MACO1: variants seen among roughly 807,000 people sequenced by gnomAD.
The protein encoded by MACO1 is macoilin.
MACO1 carries 14 observed loss-of-function variants against 78.7 expected under a neutral mutation model. The ratio of observed to expected loss-of-function variants is 0.18; its 90% CI spans 0.12 to 0.28. The LOEUF (loss-of-function observed/expected upper bound fraction) is 0.28, where lower values mean the gene tolerates loss of function less well. Among genes scored for constraint, MACO1 ranks in the 10% least tolerant of loss-of-function variants. The pLI, the probability that MACO1 is intolerant of heterozygous loss-of-function variation, is 1.00. For missense variants in MACO1, 501 were observed against 799.0 expected, an observed-to-expected ratio of 0.63 and a Z score of 4.50; for synonymous variants, 288 against 291.6, an observed-to-expected ratio of 0.99 and a Z score of 0.12.
chr1:25,477,889 T>C (rs1473459978), intron 6 of MACO1, among the ~76,000 whole-genome samples: 2 of 152,226 alleles, frequency 1.3e-5, no homozygotes, highest in Non-Finnish European at 2.9e-5. Context: ...TTAGACATAG[T>C]ATCTCCCTAC....
At chr1:25,439,995 G>T (rs1009250858) in intron 1 of MACO1, among the ~76,000 whole-genome samples, 2 of 140,086 alleles carry the variant, frequency 1.4e-5, no homozygotes, top group African/African-American at 5.2e-5. Context: ...TCTAGCCTGG[G>T]CAACAAGCGA....
chr1:25,443,528 T>C (rs2042989338), intron 1 of MACO1, among the ~76,000 whole-genome samples: 1 of 152,192 alleles, frequency 6.6e-6, no homozygotes, highest in Non-Finnish European at 1.5e-5. Context: ...ATCAAAGGTA[T>C]GAAAGCAGTT....
At position 25,448,698 on chromosome 1, in the gene MACO1, T is replaced by A. The variant is rs1232707324; in HGVS notation, c.223-110T>A. The stretch of plus-strand genomic sequence containing the variant: ...GTGAATTTGCTTTACAGTTACCAAG[T>A]TATCTCTTAGCAGTTTCAATAATTT... On this transcript the variant is annotated intron_variant, in intron 2 of 10. Transcript: ENST00000374343. The A allele has an allele frequency of 7.7e-6, 8 of 1,037,788 alleles. No individual in the cohort carries two copies. The Admixed American group carries it at 9.3e-5, about 12-fold the overall frequency. The allele number at this position is 1,037,788 out of a possible 1,614,324, so 64.3% of individuals were successfully genotyped here.
At chr1:25,493,129 CT>C (rs2043501583) in intron 10 of MACO1, among the ~76,000 whole-genome samples, 1 of 152,170 alleles carries the variant, frequency 6.6e-6, no homozygotes, top group Non-Finnish European at 1.5e-5. Context: ...GGTGTGTGAA[CT>C]TTTGTCTTAG....
chr1:25,498,541 TA>T lies in MACO1; in HGVS notation c.*82del, dbSNP rs1009835257. On this transcript the variant is annotated 3_prime_UTR_variant, in exon 11 of 11. Transcript: ENST00000374343. ...AAAGGAGCGTCTCTGGCAGTCAAGA[TA>T]AAAAAACAGTTTCTATTGTATTTTG... 3 of 1,351,636 alleles carry T rather than the reference TA, an allele frequency of 2.2e-6. No individual in the cohort carries two copies. The highest frequency in any genetic ancestry group is 1.5e-5 in the African/African-American group (1 of 68,218). The allele number at this position is 1,351,636 out of a possible 1,614,324, so 83.7% of individuals were successfully genotyped here.
intron 6 of MACO1, among the ~76,000 whole-genome samples, chr1:25,462,806 A>G (rs755778614): frequency 7.2e-5 from 11 of 152,200 alleles, no homozygotes; most frequent in African/African-American, 2.2e-4. Flanking sequence ...GCAGTCTGGC[A>G]GGTCTTTCTC....
At chr1:25,452,688 A>G (rs1388502914) in intron 3 of MACO1, among the ~76,000 whole-genome samples, 4 of 150,546 alleles carry the variant, frequency 2.7e-5, no homozygotes, top group Admixed American at 2.6e-4. Flanking sequence ...AAATAATATT[A>G]CGGTGAATTG....
chr1:25,449,097 T>G (rs2043041593), intron 3 of MACO1, among the ~76,000 whole-genome samples, 163 bp downstream of exon 3: 1 of 152,192 alleles, frequency 6.6e-6, no homozygotes, highest in African/African-American at 2.4e-5. Context: ...TATATCTTTT[T>G]TCGTTATTTG....
intron 6 of MACO1, among the ~76,000 whole-genome samples, chr1:25,483,191 C>T (rs1365720097): frequency 3.3e-5 from 5 of 152,198 alleles, no homozygotes; most frequent in African/African-American, 1.2e-4. Flanking sequence ...GCTGGGATTA[C>T]AGGCACGCGC....
intron 1 of MACO1, among the ~76,000 whole-genome samples, chr1:25,437,677 T>G (rs1341977512): frequency 6.6e-6 from 1 of 152,146 alleles, no homozygotes; most frequent in Non-Finnish European, 1.5e-5. Flanking sequence ...CCCAGCACTT[T>G]GGGAGGCTAA....
intron 1 of MACO1, among the ~76,000 whole-genome samples, chr1:25,438,921 A>G (rs1455678914): frequency 6.6e-6 from 1 of 151,938 alleles, no homozygotes; most frequent in Non-Finnish European, 1.5e-5. Flanking sequence ...AAAATAAAAA[A>G]CTAAAAAAAA....
chr1:25,438,484 C>T (rs1208096444), intron 1 of MACO1, among the ~76,000 whole-genome samples: 2 of 152,140 alleles, frequency 1.3e-5, no homozygotes, highest in Non-Finnish European at 2.9e-5. Flanking sequence ...GAATAGAGAA[C>T]TAAAAAGCTG....
intron 5 of MACO1, among the ~76,000 whole-genome samples, chr1:25,458,064 T>C (rs1030531017): frequency 6.6e-6 from 1 of 152,222 alleles, no homozygotes; most frequent in African/African-American, 2.4e-5. Context: ...ATAGGCGAGT[T>C]TGATTTGACT....
At chr1:25,444,909 C>T (rs1375480271) in intron 1 of MACO1, among the ~76,000 whole-genome samples, 1 of 152,066 alleles carries the variant, frequency 6.6e-6, no homozygotes, top group African/African-American at 2.4e-5. Context: ...CATTGCTCTC[C>T]ACTAGGTCAG....
At chr1:25,494,678 C>A (rs1221425865) in intron 10 of MACO1, among the ~76,000 whole-genome samples, 1 of 152,032 alleles carries the variant, frequency 6.6e-6, no homozygotes, top group Non-Finnish European at 1.5e-5. Flanking sequence ...ATGGGGAGGG[C>A]GGACGGGCCA....
chr1:25,474,369 A>G (rs2043301309), intron 6 of MACO1, among the ~76,000 whole-genome samples: 1 of 152,198 alleles, frequency 6.6e-6, no homozygotes, highest in Non-Finnish European at 1.5e-5. Context: ...TGCTCCCTCT[A>G]GCCCTCTGGC....
chr1:25,470,467 T>A (rs1362394406), intron 6 of MACO1, among the ~76,000 whole-genome samples: 2 of 152,060 alleles, frequency 1.3e-5, no homozygotes, highest in African/African-American at 4.8e-5. Context: ...GACAGAGCGG[T>A]CAGTTTAGGA....
At chr1:25,455,693 C>T (rs2043113136) in intron 4 of MACO1, among the ~76,000 whole-genome samples, 1 of 152,212 alleles carries the variant, frequency 6.6e-6, no homozygotes, top group Non-Finnish European at 1.5e-5. Flanking sequence ...TTTGGTGATA[C>T]AAACCAAATC....
chr1:25,497,805 A>C (rs2043550809), intron 10 of MACO1, among the ~76,000 whole-genome samples: 1 of 152,188 alleles, frequency 6.6e-6, no homozygotes, highest in Non-Finnish European at 1.5e-5. Context: ...ATTCCAGCTC[A>C]AGAGGTGGAG....
Sources: gnomAD v4.1 joint callset for allele counts (sites outside exome capture counted in the v4.1 genomes callset) on GRCh38, gnomAD v4.1.1 for gene constraint, MANE v1.5 for transcripts, NCBI Gene and HGNC (gene_info 2026-07-23, HGNC 2026-07-21) for gene names.